Variants in CPPED1 observed in about 807,000 individuals in gnomAD.
CPPED1 encodes the protein serine/threonine-protein phosphatase CPPED1.
Under a neutral mutation model 28.0 loss-of-function variants are expected in CPPED1, and 28 were observed. The observed-to-expected ratio is 1.00, with a 90% CI of 0.74 to 1.37. The LOEUF is 1.37. Among genes scored for constraint, CPPED1 ranks in the 40% most tolerant of loss-of-function variants. The probability of loss-of-function intolerance (pLI) is 0.00; values close to 1 mark genes in which losing one functional copy is unlikely to be tolerated. For synonymous variants in CPPED1, 198 were observed against 180.2 expected (o/e 1.10, Z -0.79); for missense variants, 504 against 416.5 (o/e 1.21, Z -1.83).
At chr16:12,738,868 A>T (rs769113854) in intron 2 of CPPED1, among the ~76,000 whole-genome samples, 3 of 152,230 alleles carry the variant, frequency 2.0e-5, no homozygotes, top group Non-Finnish European at 2.9e-5. Context: ...TTGCCAAAAC[A>T]TGTTTAATGT....
rs2079795203 is a variant in CPPED1, at chr16:12,661,643, G to A, written c.*3243C>T. On this transcript the variant is annotated 3_prime_UTR_variant, in exon 4 of 4. Transcript: ENST00000381774. ...CATTAGGTGACATTCCTTGCCTTGA[G>A]ACAGCTGGTGGTTTCCTACACCCTG... is the stretch of plus-strand genomic sequence containing the variant. The A allele has an allele frequency of 6.6e-6, 1 of 152,230 alleles. No individual in the cohort carries two copies. Among genetic ancestry groups the A allele is most frequent in the South Asian group, 2.1e-4 (1 of 4,832 alleles). 9.4% of individuals were successfully genotyped at this position (152,230 alleles called of 1,614,324 possible).
intron 1 of CPPED1, among the ~76,000 whole-genome samples, chr16:12,797,803 A>T (rs1173217333): frequency 6.6e-6 from 1 of 152,196 alleles, no homozygotes; most frequent in Admixed American, 6.5e-5. Context: ...TGTGGCCAGC[A>T]GACCATGGGT....
chr16:12,802,639 A>G (rs2141249875), intron 1 of CPPED1, among the ~76,000 whole-genome samples: 1 of 152,316 alleles, frequency 6.6e-6, no homozygotes, highest in African/African-American at 2.4e-5. Flanking sequence ...ATTACCGGAG[A>G]AACCTACTTT....
chr16:12,727,819 G>C (rs912100864), intron 2 of CPPED1, among the ~76,000 whole-genome samples: 1 of 152,142 alleles, frequency 6.6e-6, no homozygotes, highest in African/African-American at 2.4e-5. Context: ...GCAGCCAGTA[G>C]TATTAAAAAG....
intron 2 of CPPED1, among the ~76,000 whole-genome samples, chr16:12,732,340 GCAA>G (rs2080202809): frequency 7.5e-6 from 1 of 133,406 alleles, no homozygotes; most frequent in African/African-American, 2.8e-5. Flanking sequence ...AGTAGAGTGA[GCAA>G]GGAAGTGAAA....
chr16:12,775,678 T>C (rs906816533), intron 2 of CPPED1, among the ~76,000 whole-genome samples: 11 of 152,194 alleles, frequency 7.2e-5, no homozygotes, highest in Non-Finnish European at 1.5e-5. Flanking sequence ...AACAGCTCCA[T>C]CTGCTGCTCT....
chr16:12,776,555 C>T lies in CPPED1; in HGVS notation c.289+4630G>A, dbSNP rs575026377. On this transcript the variant is annotated intron_variant, in intron 2 of 3. Transcript: ENST00000381774. ...TTGTCGTGACTGTGAATAAGTCTCA[C>T]GAGATCTGATGGTTTTGTAAAGAGG... is the stretch of plus-strand genomic sequence containing the variant. Among the ~76,000 whole-genome samples the T allele has an allele frequency of 9.2e-5, 14 of 152,228 alleles. No individual in the cohort carries two copies. In the South Asian group the frequency reaches 1.2e-3, roughly 14 times the overall value.
chr16:12,739,565 G>A (rs1000557669), intron 2 of CPPED1, among the ~76,000 whole-genome samples: 1 of 152,072 alleles, frequency 6.6e-6, no homozygotes, highest in African/African-American at 2.4e-5. Flanking sequence ...TGGACAACAA[G>A]AGCAAAACTC....
intron 2 of CPPED1, among the ~76,000 whole-genome samples, chr16:12,719,095 AT>A (rs1405916877): frequency 2.0e-5 from 3 of 152,160 alleles, no homozygotes; most frequent in Non-Finnish European, 2.9e-5. Context: ...AAAACCCCTT[AT>A]AAAACCATCA....
chr16:12,713,977 T>C (rs148703847), intron 2 of CPPED1, among the ~76,000 whole-genome samples: 189 of 152,258 alleles, frequency 1.2e-3, no homozygotes, highest in South Asian at 8.3e-3. Flanking sequence ...CAATCACTAA[T>C]CTACCTTCTA....
chr16:12,692,867 G>A (rs1177575524), intron 3 of CPPED1, among the ~76,000 whole-genome samples: 2 of 152,188 alleles, frequency 1.3e-5, no homozygotes, highest in South Asian at 2.1e-4. Flanking sequence ...TGGCAGGGCG[G>A]CCCCAGAGGA....
At chr16:12,791,674 C>T (rs971609752) in intron 1 of CPPED1, among the ~76,000 whole-genome samples, 1 of 152,238 alleles carries the variant, frequency 6.6e-6, no homozygotes, top group African/African-American at 2.4e-5. Flanking sequence ...GCTCTCCCTA[C>T]TCCAGTCCAT....
chr16:12,676,043 A>C lies in CPPED1; in HGVS notation c.716-10928T>G, dbSNP rs2079875990. Among the ~76,000 whole-genome samples, 5 of 152,202 alleles carry C rather than the reference A, an allele frequency of 3.3e-5. No individual in the cohort carries two copies. The South Asian group carries it at 1.0e-3, about 32-fold the overall frequency. On this transcript the variant is annotated intron_variant, in intron 3 of 3. Transcript: ENST00000381774. ...TGAAGTCATGGTTAAGCCCCACCTG[A>C]CTCATTCAGGAAGAGGTTCTTCACT...
In CPPED1 at chr16:12,701,426, C is replaced by T. The variant is rs189583253; in HGVS notation, c.715+3198G>A. Reference sequence around the variant, plus strand: ...GTGCGCGCCTGTAATCCCAGTTACTCGGGAGGCTGAGGCAGGAGAATCACT... The same window carrying T: ...GTGCGCGCCTGTAATCCCAGTTACTTGGGAGGCTGAGGCAGGAGAATCACT... On this transcript the variant is annotated intron_variant, in intron 3 of 3. Transcript: ENST00000381774. Among the ~76,000 whole-genome samples the T allele has an allele frequency of 7.2e-5, 11 of 152,066 alleles. No individual in the cohort carries two copies. In the East Asian group the frequency reaches 1.9e-3, roughly 27 times the overall value.
chr16:12,795,155 C>T (rs1037831931), intron 1 of CPPED1, among the ~76,000 whole-genome samples: 5 of 152,204 alleles, frequency 3.3e-5, no homozygotes, highest in African/African-American at 9.7e-5. Flanking sequence ...TGGTAGAAGG[C>T]GCCTTCTCTG....
intron 3 of CPPED1, among the ~76,000 whole-genome samples, chr16:12,674,672 A>G (rs879371773): frequency 6.6e-6 from 1 of 152,134 alleles, no homozygotes; most frequent in South Asian, 2.1e-4. Flanking sequence ...CATTTTACAG[A>G]TGAGAAAACT....
intron 2 of CPPED1, among the ~76,000 whole-genome samples, chr16:12,717,669 C>G (rs1398566482): frequency 6.6e-6 from 1 of 152,130 alleles, no homozygotes; most frequent in Non-Finnish European, 1.5e-5. Flanking sequence ...GAGACAGAGT[C>G]TCGCTCTGTT....
At chr16:12,681,135 CG>C (rs1261921286) in intron 3 of CPPED1, among the ~76,000 whole-genome samples, 41 of 150,854 alleles carry the variant, frequency 2.7e-4, no homozygotes, top group East Asian at 9.8e-4. Flanking sequence ...CGTTTCCCCC[CG>C]TAAAGAATAG....
chr16:12,754,334 C>T (rs916901437), intron 2 of CPPED1, among the ~76,000 whole-genome samples: 6 of 152,194 alleles, frequency 3.9e-5, no homozygotes, highest in Non-Finnish European at 8.8e-5. Context: ...CTTTATTTCA[C>T]CAGCAGCTGC....
Sources: allele counts gnomAD v4.1 joint callset (sites outside exome capture counted in the v4.1 genomes callset), GRCh38; gene constraint gnomAD v4.1.1; transcripts MANE v1.5; gene names NCBI Gene and HGNC (gene_info 2026-07-23, HGNC 2026-07-21).